TMEM63A: variants seen among roughly 807,000 people sequenced by gnomAD.
The protein encoded by TMEM63A is mechanosensitive cation channel TMEM63A.
TMEM63A carries 76 observed loss-of-function variants against 100.6 expected under a neutral mutation model. The observed-to-expected ratio is 0.76, with a 90% CI of 0.63 to 0.91. TMEM63A has a LOEUF of 0.91. Ranked by LOEUF, TMEM63A falls within the 40% of genes least tolerant of loss-of-function variation. The probability of loss-of-function intolerance (pLI) is 0.00; values close to 1 mark genes in which losing one functional copy is unlikely to be tolerated. For synonymous variants in TMEM63A, 401 were observed against 401.1 expected, an observed-to-expected ratio of 1.00 and a Z score of 0.00; for missense variants, 876 against 1,008.8, an observed-to-expected ratio of 0.87 and a Z score of 1.78.
At chr1:225,863,969 C>T (rs1670076967) in intron 10 of TMEM63A, 1 of 147,364 alleles carries the variant, frequency 6.8e-6, no homozygotes, top group Non-Finnish European at 1.5e-5. Flanking sequence ...CACTATTGAC[C>T]AGGTATTGTT....
At chr1:225,866,491 G>T in intron 9 of TMEM63A, 83 bp downstream of exon 9, 1 of 1,269,984 alleles carries the variant, frequency 7.9e-7, no homozygotes, top group Non-Finnish European at 1.1e-6. Flanking sequence ...GTCAGGGCCT[G>T]TGGCAGAGCC....
rs1248314039 is a variant in TMEM63A at position 225,877,438 on chromosome 1, C to G, written c.143G>C (p.Gly48Ala). Residue 48 changes from glycine (G) to alanine (A), a missense_variant, in exon 3 of 25, where the codon GGT (glycine) becomes GCT (alanine). Gly to Ala is a moderately conservative substitution (Grantham distance 60, BLOSUM62 0). Transcript: ENST00000366835. ...TATGAGCAGGACAGTGGGGATGCCA[C>G]CAAAGGTGACCCCCTGGAGCACGGT... Reference protein sequence around the residue: ...NSTVLQGVTFGGIPTVLLIDV... With the variant: ...NSTVLQGVTFAGIPTVLLIDV... The G allele has an allele frequency of 6.2e-7, 1 of 1,614,080 alleles. No individual in the cohort carries two copies. The highest frequency in any genetic ancestry group is 8.5e-7 in the Non-Finnish European group (1 of 1,180,040).
chr1:225,854,872 C>A (rs55936398), intron 18 of TMEM63A, among the ~76,000 whole-genome samples: 51,651 of 151,940 alleles, frequency 0.34, 9,673 homozygotes, highest in East Asian at 0.53. Context: ...GAGAACCCAC[C>A]AAGGAGGGTG....
Position 225,862,647 on chromosome 1 carries a change from A to G in TMEM63A, c.828-69T>C. The G allele has an allele frequency of 6.2e-7, 1 of 1,602,476 alleles. No individual in the cohort carries two copies. The highest frequency in any genetic ancestry group is 8.5e-7 in the Non-Finnish European group (1 of 1,172,638). On this transcript the variant is annotated intron_variant, in intron 11 of 24. Coordinates refer to ENST00000366835, the MANE Select transcript of TMEM63A (RefSeq NM_014698.3). The surrounding 1 kb of genome is among the most constrained non-coding windows in gnomAD (Gnocchi z 5.1). ...CTGTGGCAGGGACCCCCATACCCAC[A>G]GTTCAACCATCGAACGCCAGGGGAG...
chr1:225,850,781 G>C (rs566558653), intron 20 of TMEM63A, among the ~76,000 whole-genome samples: 1 of 152,118 alleles, frequency 6.6e-6, no homozygotes, highest in East Asian at 1.9e-4. Context: ...GTGCGATCTC[G>C]GCTCACTGCA....
At position 225,862,472 on chromosome 1, in the gene TMEM63A, C is replaced by T. The variant is rs1277972538; in HGVS notation, c.934G>A (p.Val312Met). The T allele has an allele frequency of 1.2e-6, 2 of 1,614,214 alleles. No homozygotes were observed. Among genetic ancestry groups the T allele is most frequent in the Admixed American group, 1.7e-5 (1 of 60,030 alleles). Reference sequence around the variant, plus strand: ...ACCCTTACCCACTCACAGCCCAGCACTTCACAGCAGCAAAACTGGCCACAG... The same window carrying T: ...ACCCTTACCCACTCACAGCCCAGCATTTCACAGCAGCAAAACTGGCCACAG... ...KPCGQFCCCEVLGCEWEDAIS... is the reference protein window; with the variant it reads ...KPCGQFCCCEMLGCEWEDAIS... Residue 312 changes from valine (V) to methionine (M), a missense_variant, in exon 12 of 25, where the codon GTG (valine) becomes ATG (methionine). Val to Met is a conservative substitution (Grantham distance 21). Transcript: ENST00000366835. The surrounding 1 kb of genome is among the most constrained non-coding windows in gnomAD (Gnocchi z 5.1).
At chr1:225,877,334 C>A in intron 3 of TMEM63A, 61 bp downstream of exon 3, 1 of 1,543,422 alleles carries the variant, frequency 6.5e-7, no homozygotes, top group Non-Finnish European at 8.8e-7. Flanking sequence ...CCAGAAGGCC[C>A]TGGGTGGGGC....
chr1:225,867,244 G>C lies in TMEM63A; in HGVS notation c.515-81C>G. 1 of 1,384,116 alleles carries C rather than the reference G, an allele frequency of 7.2e-7. No homozygotes were observed. The highest frequency in any genetic ancestry group is 1.2e-5 in the South Asian group (1 of 86,434). 85.7% of individuals were successfully genotyped at this position (1,384,116 alleles called of 1,614,324 possible). On this transcript the variant is annotated intron_variant, in intron 7 of 24. Transcript: ENST00000366835. This position sits in a 1 kb window ranked among gnomAD's most constrained non-coding sequence, Gnocchi z 4.6. ...CGTAACCAATCAGCCTTGGTTTGTGGAGCTCTGGGGAGGAGGAGCATGTCT... is the reference window on the plus strand; with the variant it reads ...CGTAACCAATCAGCCTTGGTTTGTGCAGCTCTGGGGAGGAGGAGCATGTCT...
chr1:225,858,636 T>G (rs1173826719), intron 15 of TMEM63A, among the ~76,000 whole-genome samples: 1 of 152,172 alleles, frequency 6.6e-6, no homozygotes, highest in Non-Finnish European at 1.5e-5. Context: ...CAAAATAGTT[T>G]TATAACAAGG....
chr1:225,847,051 G>A lies in TMEM63A; in HGVS notation c.2413C>T (p.Gln805Ter). 6.2e-7 allele frequency: 1 copy of A among 1,610,884 alleles called. No homozygotes were observed. Among genetic ancestry groups the A allele is most frequent in the Non-Finnish European group, 8.5e-7 (1 of 1,178,720 alleles). Residue 805 changes from glutamine (Q) to a stop codon, truncating the protein, a stop_gained, in exon 24 of 25, where the codon CAG becomes TAG. Coordinates refer to ENST00000366835, the MANE Select transcript of TMEM63A (RefSeq NM_014698.3). LOFTEE classifies it high-confidence loss of function. The part of the protein sequence containing the change: ...SATGSVAAAP[Q>*]EA ...CAGCTCACCCAGCCTCAGGCCTCCT[G>A]GGGGGCAGCAGCCACACTGCCCGTG...
chr1:225,865,830 C>T lies in TMEM63A; in HGVS notation c.746+67G>A. 2 of 1,559,874 alleles carry T rather than the reference C, an allele frequency of 1.3e-6. No homozygotes were observed. Among genetic ancestry groups the T allele is most frequent in the Non-Finnish European group, 1.8e-6 (2 of 1,137,832 alleles). ...AAGGCGCTCACCTAAGGTGCTCGCCCTGCGGGTGGGGCTGTGTTGGTCCTA... is the reference window on the plus strand; with the variant it reads ...AAGGCGCTCACCTAAGGTGCTCGCCTTGCGGGTGGGGCTGTGTTGGTCCTA... On this transcript the variant is annotated intron_variant, in intron 10 of 24. Transcript: ENST00000366835. This position sits in a 1 kb window ranked among gnomAD's most constrained non-coding sequence, Gnocchi z 4.6.
intron 3 of TMEM63A, among the ~76,000 whole-genome samples, chr1:225,874,780 A>T (rs1670693635): frequency 6.6e-6 from 1 of 152,128 alleles, no homozygotes; most frequent in Non-Finnish European, 1.5e-5. Flanking sequence ...ATCCTTCTTC[A>T]CTTTACAGAA....
At chr1:225,869,944 A>G (rs1442957674) in intron 6 of TMEM63A, among the ~76,000 whole-genome samples, 1 of 151,942 alleles carries the variant, frequency 6.6e-6, no homozygotes, top group East Asian at 1.9e-4. Flanking sequence ...TACAGGCGTC[A>G]GCCACCGCAG....
chr1:225,867,528 G>T lies in TMEM63A; in HGVS notation c.514+360C>A, dbSNP rs1226842173. Among the ~76,000 whole-genome samples the T allele has an allele frequency of 6.6e-6, 1 of 152,138 alleles. No individual in the cohort carries two copies. Among genetic ancestry groups the T allele is most frequent in the Non-Finnish European group, 1.5e-5 (1 of 68,018 alleles). On this transcript the variant is annotated intron_variant, in intron 7 of 24. Transcript: ENST00000366835. This position sits in a 1 kb window ranked among gnomAD's most constrained non-coding sequence, Gnocchi z 4.6. Reference sequence around the variant, plus strand: ...TCTTGCAGTTGCCCTTAGATATAATGCCACACCCTGATTTTAATTAAGTAT... The same window carrying T: ...TCTTGCAGTTGCCCTTAGATATAATTCCACACCCTGATTTTAATTAAGTAT...
chr1:225,863,267 G>A (rs900952177), intron 10 of TMEM63A, among the ~76,000 whole-genome samples: 1 of 152,002 alleles, frequency 6.6e-6, no homozygotes, highest in Non-Finnish European at 1.5e-5. Flanking sequence ...GGCTGATTTC[G>A]AACTTCTGGC....
chr1:225,850,077 G>A lies in TMEM63A; in HGVS notation c.1906C>T (p.Leu636Phe), dbSNP rs115530894. The change falls in exon 21 of 25, where the codon CTC (leucine) becomes TTC (phenylalanine). Residue 636 changes from leucine to phenylalanine, a missense_variant and splice_region_variant. Physicochemically the swap from Leu to Phe is conservative, Grantham distance 22. Around this residue, in one of 5 missense-constraint regions of TMEM63A, gnomAD observed 339 missense variants for 342.3 expected, o/e 0.99. Transcript: ENST00000366835. ...ITCPIIAPFG[L>F]IYILLKHMVD... is the part of the protein sequence containing the mutation. ...ATGTGCTTGAGCAGGATGTAGATGA[G>A]GCCTGCAGGGGATGGGGCTGTGAGC... 8 of 1,613,980 alleles carry A rather than the reference G, an allele frequency of 5.0e-6. No individual in the cohort carries two copies. In the African/African-American group the frequency reaches 9.3e-5, roughly 19 times the overall value.
chr1:225,840,899 A>G (rs549657877), downstream of TMEM63A: 3 of 152,378 alleles, frequency 2.0e-5, no homozygotes, highest in African/African-American at 7.2e-5. Flanking sequence ...TAATAATGGC[A>G]CTTTATAAAA....
downstream of TMEM63A, chr1:225,841,287 ATTTAT>A (rs1281579684): frequency 6.6e-6 from 1 of 152,022 alleles, no homozygotes; most frequent in Non-Finnish European, 1.5e-5. Context: ...AGCTTTATTT[ATTTAT>A]TTTTTCTCAA....
chr1:225,871,003 G>T, intron 6 of TMEM63A, 73 bp downstream of exon 6: 1 of 1,496,626 alleles, frequency 6.7e-7, no homozygotes, highest in Non-Finnish European at 9.3e-7. Context: ...CTTGGCTCTT[G>T]CCTCTTGACT....
Sources: gnomAD v4.1 joint callset for allele counts (sites outside exome capture counted in the v4.1 genomes callset) on GRCh38, gnomAD v4.1.1 for gene constraint, gnomAD v4.1.1 regional missense constraint, Gnocchi (gnomAD v3.1) non-coding constraint, MANE v1.5 for transcripts, NCBI Gene and HGNC (gene_info 2026-07-23, HGNC 2026-07-21) for gene names.